Variants in GAD2 observed in about 807,000 individuals in gnomAD.
The protein encoded by GAD2 is 65 kDa glutamic acid decarboxylase.
GAD2 carries 22 observed loss-of-function variants against 80.1 expected under a neutral mutation model. The ratio of observed to expected loss-of-function variants is 0.27; its 90% CI spans 0.20 to 0.39. The LOEUF (loss-of-function observed/expected upper bound fraction) is 0.39, where lower values mean the gene tolerates loss of function less well. GAD2 is among the 10% of genes least tolerant of loss of function. GAD2 has a pLI of 1.00. For synonymous variants in GAD2, 274 were observed against 256.9 expected (o/e 1.07, Z -0.64); for missense variants, 624 against 738.4 (o/e 0.85, Z 1.80).
At chr10:26,295,599 GT>G (rs1325905350) in intron 15 of GAD2, among the ~76,000 whole-genome samples, 2 of 150,584 alleles carry the variant, frequency 1.3e-5, no homozygotes, top group Non-Finnish European at 2.9e-5. Context: ...GTCCAGTATG[GT>G]AGTAATAGCC....
intron 6 of GAD2, among the ~76,000 whole-genome samples, chr10:26,227,584 G>T (rs1438274153): frequency 7.2e-5 from 11 of 152,158 alleles, no homozygotes; most frequent in Admixed American, 5.9e-4. Flanking sequence ...AGATCATTTT[G>T]CTCCCCACAA....
intron 8 of GAD2, among the ~76,000 whole-genome samples, chr10:26,264,799 T>C (rs1845050015): frequency 6.6e-6 from 1 of 152,222 alleles, no homozygotes; most frequent in South Asian, 2.1e-4. Flanking sequence ...TTAGTCAATT[T>C]CTAGCAGGAA....
Position 26,301,918 on chromosome 10 carries a change from T to C in GAD2, c.*957T>C, listed in dbSNP as rs917513026. 2.6e-5 allele frequency: 4 copies of C among 152,230 alleles called. No individual in the cohort carries two copies. The highest frequency in any genetic ancestry group is 7.2e-5 in the African/African-American group (3 of 41,468). 9.4% of individuals were successfully genotyped at this position (152,230 alleles called of 1,614,324 possible). A position where few individuals can be genotyped will look rare whatever the true frequency, so the allele number is the denominator to read the frequency against. ...CGGCCTGTTTTGAACAGAAGGTTGA[T>C]GCTAGTTCTTGAGGCATCTTCCAAA... On this transcript the variant is annotated 3_prime_UTR_variant, in exon 16 of 16. Coordinates refer to ENST00000376261, the MANE Select transcript of GAD2 (RefSeq NM_001134366.2).
chr10:26,262,411 C>A (rs1845020472), intron 8 of GAD2, among the ~76,000 whole-genome samples: 2 of 151,284 alleles, frequency 1.3e-5, no homozygotes, highest in Admixed American at 1.3e-4. Context: ...ATTAAAATAT[C>A]TTTATTCATA....
intron 9 of GAD2, among the ~76,000 whole-genome samples, chr10:26,269,572 T>C (rs1436071102): frequency 1.3e-5 from 2 of 152,250 alleles, no homozygotes; most frequent in African/African-American, 4.8e-5. Flanking sequence ...GTGCATGCTG[T>C]TAGCATTGGC....
At chr10:26,286,228 G>C (rs1243924955) in intron 12 of GAD2, 117 bp from the exon 13 acceptor site, 2 of 921,918 alleles carry the variant, frequency 2.2e-6, no homozygotes, top group Non-Finnish European at 3.2e-6. Flanking sequence ...GATTCTTACT[G>C]TTTTCTTTCT....
intron 15 of GAD2, among the ~76,000 whole-genome samples, chr10:26,298,500 TG>T (rs1408273933): frequency 1.3e-5 from 2 of 152,216 alleles, no homozygotes; most frequent in Non-Finnish European, 2.9e-5. Context: ...CAAATCTGTT[TG>T]CTTGTGGCTG....
intron 8 of GAD2, among the ~76,000 whole-genome samples, chr10:26,259,439 T>G (rs1289736773): frequency 6.6e-6 from 1 of 152,182 alleles, no homozygotes; most frequent in Admixed American, 6.5e-5. Flanking sequence ...TATTTCATTG[T>G]GGTTTTCATT....
At chr10:26,290,767 T>A (rs1299295166) in intron 13 of GAD2, among the ~76,000 whole-genome samples, 1 of 152,178 alleles carries the variant, frequency 6.6e-6, no homozygotes, top group Non-Finnish European at 1.5e-5. Context: ...ATGGTGAGAT[T>A]GCTGAAGTAT....
intron 11 of GAD2, among the ~76,000 whole-genome samples, chr10:26,274,796 G>C (rs181060105): frequency 2.0e-4 from 30 of 152,324 alleles, no homozygotes; most frequent in Middle Eastern, 3.4e-3. Flanking sequence ...CTGGAGTCAA[G>C]AGCATCCCAC....
chr10:26,229,998 G>A (rs976824768), intron 7 of GAD2, among the ~76,000 whole-genome samples: 1 of 151,984 alleles, frequency 6.6e-6, no homozygotes, highest in East Asian at 1.9e-4. Context: ...GCAATATAGT[G>A]AAACCCCATC....
At chr10:26,272,650 A>T (rs1010445087) in intron 10 of GAD2, among the ~76,000 whole-genome samples, 1 of 152,178 alleles carries the variant, frequency 6.6e-6, no homozygotes, top group African/African-American at 2.4e-5. Context: ...GATTACCTGA[A>T]GTCAGAAGTT....
chr10:26,263,054 C>T (rs1318911676), intron 8 of GAD2, among the ~76,000 whole-genome samples: 1 of 152,094 alleles, frequency 6.6e-6, no homozygotes, highest in Non-Finnish European at 1.5e-5. Flanking sequence ...TGATTGGAGT[C>T]TCAGTTGCAC....
intron 7 of GAD2, among the ~76,000 whole-genome samples, chr10:26,241,655 G>A (rs1022722892): frequency 1.1e-4 from 16 of 151,376 alleles, no homozygotes; most frequent in Non-Finnish European, 4.4e-5. Context: ...AGTTTCCTCT[G>A]TCTGTACGTG....
chr10:26,243,179 G>A (rs1397092268), intron 7 of GAD2, among the ~76,000 whole-genome samples: 1 of 152,166 alleles, frequency 6.6e-6, no homozygotes, highest in Non-Finnish European at 1.5e-5. Context: ...TGAAGCTAAT[G>A]GCCCTTTCTC....
At chr10:26,241,345 T>C (rs564269852) in intron 7 of GAD2, among the ~76,000 whole-genome samples, 1 of 152,264 alleles carries the variant, frequency 6.6e-6, no homozygotes, top group South Asian at 2.1e-4. Context: ...AGCTTCCAAT[T>C]TTTGTTCAGA....
intron 8 of GAD2, among the ~76,000 whole-genome samples, chr10:26,261,091 C>T (rs1339764154): frequency 6.6e-6 from 1 of 152,150 alleles, no homozygotes; most frequent in Non-Finnish European, 1.5e-5. Flanking sequence ...GAAAACAAAA[C>T]TCTCTTTTGT....
At position 26,273,632 on chromosome 10, in the gene GAD2, T is replaced by C. The variant is rs751330826; in HGVS notation, c.1093-4T>C. 1 of 1,613,350 alleles carries C rather than the reference T, an allele frequency of 6.2e-7. No individual in the cohort carries two copies. Among genetic ancestry groups the C allele is most frequent in the South Asian group, 1.1e-5 (1 of 90,994 alleles). On this transcript the variant is annotated splice_region_variant and splice_polypyrimidine_tract_variant and intron_variant, in intron 10 of 15. Coordinates refer to ENST00000376261, the MANE Select transcript of GAD2 (RefSeq NM_001134366.2). ...ACCATTTTCCTCATATGATTTTTTT[T>C]CAGGCAGCTTGGGGTGGGGGATTAC...
At chr10:26,218,747 C>G (rs1038926713) in intron 3 of GAD2, among the ~76,000 whole-genome samples, 11 of 152,158 alleles carry the variant, frequency 7.2e-5, no homozygotes, top group Non-Finnish European at 1.3e-4. Context: ...AAGACGAACT[C>G]CTGTGAACTA....
Sources: gnomAD v4.1 joint callset for allele counts (sites outside exome capture counted in the v4.1 genomes callset) on GRCh38, gnomAD v4.1.1 for gene constraint, MANE v1.5 for transcripts, NCBI Gene and HGNC (gene_info 2026-07-23, HGNC 2026-07-21) for gene names.